CUEDC1: variants seen among roughly 807,000 people sequenced by gnomAD.
CUEDC1 encodes the protein CUE domain-containing protein 1.
CUEDC1 carries 30 observed loss-of-function variants against 43.7 expected under a neutral mutation model. The observed-to-expected ratio is 0.69, with a 90% CI of 0.51 to 0.93. The LOEUF (loss-of-function observed/expected upper bound fraction) is 0.93, where lower values mean the gene tolerates loss of function less well. Ranked by LOEUF, CUEDC1 falls within the 40% of genes least tolerant of loss-of-function variation. The pLI is 0.00. For missense variants in CUEDC1, 486 were observed against 549.0 expected (o/e 0.89, Z 1.15); for synonymous variants, 223 against 223.6 (o/e 1.00, Z 0.02).
chr17:57,948,082 C>A (rs2074974403), intron 1 of CUEDC1, among the ~76,000 whole-genome samples: 1 of 152,152 alleles, frequency 6.6e-6, no homozygotes, highest in Admixed American at 6.5e-5. Context: ...ACTGGCCTAA[C>A]AAGGGTATGG....
chr17:57,867,213 C>A, intron 9 of CUEDC1, 144 bp downstream of exon 9: 1 of 745,466 alleles, frequency 1.3e-6, no homozygotes, highest in Non-Finnish European at 2.3e-6. Flanking sequence ...CAGGGGGATC[C>A]ATATCTTTGG....
chr17:57,934,908 A>G (rs1054142879), intron 1 of CUEDC1, among the ~76,000 whole-genome samples: 1 of 152,058 alleles, frequency 6.6e-6, no homozygotes. Flanking sequence ...GGGTTTCGCC[A>G]TGTTGCTCAG....
rs937118635 is a variant in CUEDC1 at position 57,873,415 on chromosome 17, C to A, written c.591+176G>T. On this transcript the variant is annotated intron_variant, in intron 4 of 10. Coordinates refer to ENST00000577830, the MANE Select transcript of CUEDC1 (RefSeq NM_001271875.2). ...GGATAGAACAGGAAACCTCCAGGCC[C>A]AGGCAGGAAGTGAGGCTTTCAGTTC... 3.3e-5 allele frequency among the ~76,000 whole-genome samples: 5 copies of A among 152,326 alleles called. No homozygotes were observed. The East Asian group carries it at 9.7e-4, about 29-fold the overall frequency.
chr17:57,937,805 G>T (rs1362180873), intron 1 of CUEDC1, among the ~76,000 whole-genome samples: 2 of 152,056 alleles, frequency 1.3e-5, no homozygotes, highest in African/African-American at 4.8e-5. Flanking sequence ...ACTCAGGGAA[G>T]CTGAGGTGGG....
At chr17:57,919,620 A>T (rs2074680028) in intron 1 of CUEDC1, among the ~76,000 whole-genome samples, 1 of 152,176 alleles carries the variant, frequency 6.6e-6, no homozygotes, top group Admixed American at 6.5e-5. Flanking sequence ...AAACCCACTA[A>T]GCCATGCACA....
chr17:57,912,632 A>G (rs2143064958), intron 1 of CUEDC1, among the ~76,000 whole-genome samples: 1 of 152,364 alleles, frequency 6.6e-6, no homozygotes, highest in South Asian at 2.1e-4. Context: ...AAGCCAAAAA[A>G]AAAGATGATA....
intron 1 of CUEDC1, among the ~76,000 whole-genome samples, chr17:57,935,137 G>C (rs1305073402): frequency 6.6e-6 from 1 of 152,192 alleles, no homozygotes; most frequent in Non-Finnish European, 1.5e-5. Context: ...AAAACTCACT[G>C]ACTAATACAC....
At chr17:57,896,487 GGTGTGTGT>G (rs1555660568) in intron 1 of CUEDC1, among the ~76,000 whole-genome samples, 213 of 130,362 alleles carry the variant, frequency 1.6e-3, no homozygotes, top group African/African-American at 2.5e-3. Context: ...TGCATTATGG[GGTGTGTGT>G]GTGTGTGTGT....
intron 3 of CUEDC1, among the ~76,000 whole-genome samples, chr17:57,879,198 G>A (rs1313058979): frequency 6.6e-6 from 1 of 152,200 alleles, no homozygotes; most frequent in African/African-American, 2.4e-5. Flanking sequence ...GAGGATCTGA[G>A]GCTCTGTCTT....
intron 10 of CUEDC1, among the ~76,000 whole-genome samples, chr17:57,865,396 C>T (rs376595728): frequency 1.3e-5 from 2 of 152,120 alleles, no homozygotes; most frequent in African/African-American, 2.4e-5. Flanking sequence ...TACTTGTTCC[C>T]GGTTTCCCTC....
At chr17:57,890,143 A>G (rs1293364331) in intron 1 of CUEDC1, among the ~76,000 whole-genome samples, 1 of 152,226 alleles carries the variant, frequency 6.6e-6, no homozygotes, top group East Asian at 1.9e-4. Context: ...CCAAAGTCAC[A>G]CAGCCAGTAT....
chr17:57,948,347 C>T (rs577435414), intron 1 of CUEDC1, among the ~76,000 whole-genome samples: 75 of 152,262 alleles, frequency 4.9e-4, no homozygotes, highest in Middle Eastern at 3.4e-3. Context: ...ACTCCATCCC[C>T]GAGAGCTGTA....
At chr17:57,901,795 G>A (rs2074474843) in intron 1 of CUEDC1, among the ~76,000 whole-genome samples, 2 of 152,360 alleles carry the variant, frequency 1.3e-5, no homozygotes, top group Admixed American at 1.3e-4. Flanking sequence ...AAAACAGCAT[G>A]AGAAGCAGCC....
At chr17:57,942,411 CAG>C (rs1284453065) in intron 1 of CUEDC1, among the ~76,000 whole-genome samples, 1 of 151,936 alleles carries the variant, frequency 6.6e-6, no homozygotes, top group East Asian at 1.9e-4. Context: ...TTTTTTGAGA[CAG>C]AGTCTCGCTC....
At chr17:57,882,214 C>A (rs1340446898) in intron 2 of CUEDC1, among the ~76,000 whole-genome samples, 3 of 152,058 alleles carry the variant, frequency 2.0e-5, no homozygotes, top group African/African-American at 7.2e-5. Context: ...CAGTTATTGT[C>A]ATTCCAGCTG....
At chr17:57,950,480 T>A (rs992130148) in intron 1 of CUEDC1, among the ~76,000 whole-genome samples, 1 of 138,488 alleles carries the variant, frequency 7.2e-6, no homozygotes. Context: ...TTTATTTATT[T>A]TTTTTTTTTT....
chr17:57,864,000 C>T (rs1453641276), intron 10 of CUEDC1, among the ~76,000 whole-genome samples: 15 of 82,568 alleles, frequency 1.8e-4, no homozygotes, highest in Non-Finnish European at 3.1e-4. Context: ...GACTCCATCT[C>T]AAAAAAAAAA....
At chr17:57,920,956 G>A (rs2074692568) in intron 1 of CUEDC1, among the ~76,000 whole-genome samples, 1 of 152,154 alleles carries the variant, frequency 6.6e-6, no homozygotes, top group African/African-American at 2.4e-5. Flanking sequence ...AATAAACAGA[G>A]TATAGTTGTA....
At position 57,862,760 on chromosome 17, in the gene CUEDC1, G is replaced by A. The variant is rs918341814; in HGVS notation, c.*529C>T. ...CCGGGGGAAGGCTGAGATACAGGAG[G>A]ACATGGAAGGGAAGGGCACAAGTGC... is the stretch of plus-strand genomic sequence containing the variant. On this transcript the variant is annotated 3_prime_UTR_variant, in exon 11 of 11. Transcript: ENST00000577830. 1.3e-5 allele frequency: 2 copies of A among 152,750 alleles called. No homozygotes were observed. The highest frequency in any genetic ancestry group is 4.8e-5 in the African/African-American group (2 of 41,464). 9.5% of individuals were successfully genotyped at this position (152,750 alleles called of 1,614,324 possible).
Sources: gnomAD v4.1 joint callset for allele counts (sites outside exome capture counted in the v4.1 genomes callset) on GRCh38, gnomAD v4.1.1 for gene constraint, MANE v1.5 for transcripts, NCBI Gene and HGNC (gene_info 2026-07-23, HGNC 2026-07-21) for gene names.